Variants in NPIPB11 observed in about 807,000 individuals in gnomAD.
NPIPB11 encodes nuclear pore complex interacting protein family member B11.
NPIPB11 carries 17 observed loss-of-function variants against 32.8 expected under a neutral mutation model. That is an observed-to-expected ratio of 0.52 (90% CI 0.35 to 0.78). The LOEUF is 0.78. NPIPB11 is among the 30% of genes least tolerant of loss of function. NPIPB11 has a pLI of 0.01. For synonymous variants in NPIPB11, 209 were observed against 398.4 expected, an observed-to-expected ratio of 0.52 and a Z score of 5.66; for missense variants, 537 against 1,000.4, an observed-to-expected ratio of 0.54 and a Z score of 6.25.
intron 3 of NPIPB11, among the ~76,000 whole-genome samples, chr16:29,390,886 C>A (rs530915263): frequency 1.3e-5 from 2 of 150,294 alleles, no homozygotes; most frequent in African/African-American, 4.9e-5. Flanking sequence ...TCACTTGAAC[C>A]CAGCAGGAAA....
At chr16:29,390,135 C>T (rs1567271577) in exon 5 of NPIPB11, 2 of 806,820 alleles carry the variant, frequency 2.5e-6, no homozygotes, top group Non-Finnish European at 4.0e-6. Context: ...TGGACCTCAG[C>T]CCTTGGTGAG....
At chr16:29,399,098 T>C (rs1963927816) in intron 2 of NPIPB11, among the ~76,000 whole-genome samples, 1 of 150,934 alleles carries the variant, frequency 6.6e-6, no homozygotes, top group Admixed American at 6.6e-5. Context: ...GCATCATGTG[T>C]GATGGGTGGG....
chr16:29,384,183 G>C, exon 8 of NPIPB11: 1 of 1,565,072 alleles, frequency 6.4e-7, no homozygotes, highest in Non-Finnish European at 8.5e-7. Flanking sequence ...TTGTTGAGTT[G>C]GAGGAGGTGG....
At chr16:29,393,261 A>G (rs899380083) in intron 3 of NPIPB11, among the ~76,000 whole-genome samples, 14 of 151,574 alleles carry the variant, frequency 9.2e-5, no homozygotes, top group Admixed American at 2.6e-4. Flanking sequence ...TCTCTGCATC[A>G]TGAGACGCAG....
intron 3 of NPIPB11, among the ~76,000 whole-genome samples, 174 bp from the exon 4 acceptor site, chr16:29,390,522 G>A (rs1465378180): frequency 2.6e-5 from 4 of 151,542 alleles, no homozygotes; most frequent in Non-Finnish European, 4.4e-5. Flanking sequence ...GCATGGCAGC[G>A]GGCGCCTGTA....
At chr16:29,394,924 T>G (rs1437589437) in intron 2 of NPIPB11, among the ~76,000 whole-genome samples, 1 of 148,662 alleles carries the variant, frequency 6.7e-6, no homozygotes, top group African/African-American at 2.5e-5. Flanking sequence ...TTTTGTATTT[T>G]TTGTGGAGAT....
chr16:29,405,569 A>G (rs1242144136), upstream of NPIPB11, among the ~76,000 whole-genome samples: 3 of 152,104 alleles, frequency 2.0e-5, no homozygotes, highest in South Asian at 2.1e-4. Flanking sequence ...TCCTTTAAAA[A>G]CTGAGTCTCG....
intron 3 of NPIPB11, among the ~76,000 whole-genome samples, chr16:29,391,444 C>T (rs1963720936): frequency 6.8e-6 from 1 of 146,390 alleles, no homozygotes; most frequent in Non-Finnish European, 1.5e-5. Context: ...ACATTTCACC[C>T]CCTGCTCCTT....
chr16:29,392,220 G>C (rs1963739741), intron 3 of NPIPB11, among the ~76,000 whole-genome samples: 1 of 152,140 alleles, frequency 6.6e-6, no homozygotes, highest in African/African-American at 2.4e-5. Context: ...TAGGAGAAAT[G>C]TCAAACACAT....
intron 2 of NPIPB11, among the ~76,000 whole-genome samples, chr16:29,398,495 T>C (rs1243946517): frequency 1.5e-4 from 22 of 148,920 alleles, no homozygotes; most frequent in Admixed American, 8.1e-4. Flanking sequence ...TCCATCAACC[T>C]GTATCTCAGG....
At chr16:29,397,300 G>A (rs1387964958) in intron 2 of NPIPB11, among the ~76,000 whole-genome samples, 1 of 151,814 alleles carries the variant, frequency 6.6e-6, no homozygotes, top group African/African-American at 2.4e-5. Context: ...TCCAGCTCCT[G>A]GGCCCAAGCG....
chr16:29,390,986 A>T (rs1194809348), intron 3 of NPIPB11, among the ~76,000 whole-genome samples: 1 of 133,968 alleles, frequency 7.5e-6, no homozygotes, highest in African/African-American at 2.7e-5. Context: ...AAAAAAAAAT[A>T]GGCCACCTGC....
intron 2 of NPIPB11, among the ~76,000 whole-genome samples, chr16:29,401,111 A>C (rs1963979733): frequency 6.6e-6 from 1 of 152,098 alleles, no homozygotes. Flanking sequence ...AGCACAATAC[A>C]TGCACGACAC....
At chr16:29,406,647 G>C, upstream of NPIPB11, among the ~76,000 whole-genome samples, 1 of 152,208 alleles carries the variant, frequency 6.6e-6, no homozygotes, top group Non-Finnish European at 1.5e-5. Context: ...CCAGGAGGCG[G>C]AGGTTGCAGT....
Position 29,383,629 on chromosome 16 carries a change from AAGGTGTCTTGAGATTAT to A in NPIPB11, c.1286_1302del (p.Asp429ValfsTer2). The A allele has an allele frequency of 2.2e-4, 76 of 343,674 alleles. No homozygotes were observed. Among genetic ancestry groups the A allele is most frequent in the African/African-American group, 8.0e-4 (4 of 4,990 alleles). The allele number at this position is 343,674 out of a possible 1,614,324, so 21.3% of individuals were successfully genotyped here. A position where few individuals can be genotyped will look rare whatever the true frequency, so the allele number is the denominator to read the frequency against. On this transcript the variant is annotated frameshift_variant, in exon 8 of 8. Transcript: ENST00000524087. LOFTEE classifies it low-confidence loss of function (END_TRUNC). ...GGAAGGGGAGTGAGCTGACGCTCAGAAGGTGTCTTGAGATTATCATCCGCTGAGGGTGGAAGCGGCCC... is the reference window on the plus strand; with the variant it reads ...GGAAGGGGAGTGAGCTGACGCTCAGACATCCGCTGAGGGTGGAAGCGGCCC...
chr16:29,389,817 C>T, intron 5 of NPIPB11, 124 bp downstream of exon 5: 1 of 1,518,876 alleles, frequency 6.6e-7, no homozygotes, highest in Non-Finnish European at 8.8e-7. Context: ...AAAGGACAAA[C>T]TCAATTTTGA....
At chr16:29,393,850 A>G (rs1420192145) in intron 3 of NPIPB11, 98 bp downstream of exon 3, 6 of 1,220,614 alleles carry the variant, frequency 4.9e-6, no homozygotes, top group East Asian at 2.6e-5. Context: ...GGGTAAAACC[A>G]CATATTCATA....
At chr16:29,401,676 C>T (rs1377322275) in intron 2 of NPIPB11, among the ~76,000 whole-genome samples, 1 of 152,140 alleles carries the variant, frequency 6.6e-6, no homozygotes, top group Admixed American at 6.6e-5. Flanking sequence ...ATGGGATTTG[C>T]TTTGACCCAA....
At chr16:29,397,408 G>A (rs912956492) in intron 2 of NPIPB11, among the ~76,000 whole-genome samples, 1 of 151,140 alleles carries the variant, frequency 6.6e-6, no homozygotes, top group African/African-American at 2.4e-5. Flanking sequence ...ATGGGGTTTC[G>A]CCATGATGCC....
Sources: allele counts gnomAD v4.1 joint callset (sites outside exome capture counted in the v4.1 genomes callset), GRCh38; gene constraint gnomAD v4.1.1; transcripts MANE v1.5; gene names NCBI Gene and HGNC (gene_info 2026-07-23, HGNC 2026-07-21).